The following ARHGAP29 variants were observed in gnomAD, a reference collection of about 807,000 sequenced individuals.
ARHGAP29 encodes the protein rho GTPase-activating protein 29.
Under a neutral mutation model 122.6 loss-of-function variants are expected in ARHGAP29, and 43 were observed. The observed-to-expected ratio is 0.35, with a 90% CI of 0.27 to 0.45. ARHGAP29 has a LOEUF of 0.45. Among genes scored for constraint, ARHGAP29 ranks in the 20% least tolerant of loss-of-function variants. The pLI is 1.00. For missense variants in ARHGAP29, 1,303 were observed against 1,477.2 expected (o/e 0.88, Z 1.93); for synonymous variants, 506 against 497.1 (o/e 1.02, Z -0.24).
chr1:94,206,396 T>C (rs1346412107), intron 5 of ARHGAP29, among the ~76,000 whole-genome samples: 2 of 152,156 alleles, frequency 1.3e-5, no homozygotes, highest in African/African-American at 4.8e-5. Flanking sequence ...TATACAGGGA[T>C]TCAATGCAAA....
intron 5 of ARHGAP29, among the ~76,000 whole-genome samples, chr1:94,208,395 TTAC>T (rs1377817576): frequency 6.6e-6 from 1 of 152,238 alleles, no homozygotes; most frequent in African/African-American, 2.4e-5. Context: ...ATTAAAAACA[TTAC>T]TACCATAAAC....
chr1:94,189,164 C>T (rs745690105), intron 14 of ARHGAP29, 52 bp downstream of exon 14: 14 of 1,547,220 alleles, frequency 9.0e-6, no homozygotes, highest in Admixed American at 2.1e-5. Flanking sequence ...CAATCACATT[C>T]GAACAACCTG....
At chr1:94,229,004 C>A (rs1652778347) in intron 2 of ARHGAP29, among the ~76,000 whole-genome samples, 1 of 151,736 alleles carries the variant, frequency 6.6e-6, no homozygotes, top group Non-Finnish European at 1.5e-5. Context: ...AGGTAATAAA[C>A]AATGCCAAAA....
intron 1 of ARHGAP29, among the ~76,000 whole-genome samples, chr1:94,252,938 T>C (rs1333395273): frequency 6.6e-6 from 1 of 152,144 alleles, no homozygotes; most frequent in African/African-American, 2.4e-5. Context: ...AGTTTCAGAA[T>C]CAAAGGGATC....
chr1:94,288,223 T>C, the ARHGAP29 span, among the ~76,000 whole-genome samples: 4 of 152,266 alleles, frequency 2.6e-5, no homozygotes, highest in Non-Finnish European at 4.4e-5. Flanking sequence ...ATTGTGGTTT[T>C]GATTTGCATT....
chr1:94,277,274 A>G (rs1190529629), upstream of ARHGAP29, among the ~76,000 whole-genome samples: 6 of 152,228 alleles, frequency 3.9e-5, no homozygotes, highest in Non-Finnish European at 8.8e-5. Context: ...GAAATTGGAA[A>G]GCAGGCCAAC....
rs1170736741 is a variant in ARHGAP29, at chr1:94,209,303, G to C, written c.388C>G (p.Gln130Glu). Residue 130 changes from glutamine (Q) to glutamate (E), a missense_variant, in exon 4 of 23, where the codon CAG becomes GAG. Transcript: ENST00000260526. Reference protein sequence around the residue: ...VNEENKNDLFQEVFSSIETLA... With the variant: ...VNEENKNDLFEEVFSSIETLA... ...GTTTCAATAGAAGAAAACACTTCCT[G>C]GAAGAGATCGTTTTTGTTTTCTTCA... 2 of 1,609,840 alleles carry C rather than the reference G, an allele frequency of 1.2e-6. No individual in the cohort carries two copies. The highest frequency in any genetic ancestry group is 2.2e-5 in the South Asian group (2 of 90,396).
the ARHGAP29 span, among the ~76,000 whole-genome samples, chr1:94,288,197 T>C: frequency 6.6e-6 from 1 of 152,258 alleles, no homozygotes. Context: ...TTCTAACTGG[T>C]GTGAGATAGT....
intron 1 of ARHGAP29, among the ~76,000 whole-genome samples, chr1:94,243,289 C>A (rs1268179634): frequency 6.6e-6 from 1 of 151,832 alleles, no homozygotes; most frequent in Non-Finnish European, 1.5e-5. Flanking sequence ...TAAGATAGGC[C>A]ATATATGGGA....
rs1648781087 is a variant in ARHGAP29 at position 94,172,268 on chromosome 1, A to G, written c.*1601T>C. On this transcript the variant is annotated 3_prime_UTR_variant, in exon 23 of 23. Coordinates refer to ENST00000260526, the MANE Select transcript of ARHGAP29 (RefSeq NM_004815.4). Reference sequence around the variant, plus strand: ...CTGTGAACTTGAAATAAAATAATCTATGTAGCACCTTGGCAAAGTTCCTGG... The same window carrying G: ...CTGTGAACTTGAAATAAAATAATCTGTGTAGCACCTTGGCAAAGTTCCTGG... 1 of 152,158 alleles carries G rather than the reference A, an allele frequency of 6.6e-6. No homozygotes were observed. Among genetic ancestry groups the G allele is most frequent in the Admixed American group, 6.5e-5 (1 of 15,270 alleles). 9.4% of individuals were successfully genotyped at this position (152,158 alleles called of 1,614,324 possible). A position where few individuals can be genotyped will look rare whatever the true frequency, so the allele number is the denominator to read the frequency against.
chr1:94,205,548 T>A, intron 6 of ARHGAP29, 87 bp downstream of exon 6: 1 of 1,250,460 alleles, frequency 8.0e-7, no homozygotes, highest in Non-Finnish European at 1.1e-6. Flanking sequence ...TACACTAGGT[T>A]ACTAAGCAAG....
upstream of ARHGAP29, among the ~76,000 whole-genome samples, chr1:94,240,781 T>G (rs141075079): frequency 6.6e-5 from 10 of 152,306 alleles, 1 homozygote; most frequent in Non-Finnish European, 1.2e-4. Context: ...ACTTTTATAT[T>G]CCCCAAATCT....
intron 5 of ARHGAP29, among the ~76,000 whole-genome samples, chr1:94,206,668 G>A (rs912458581): frequency 3.3e-5 from 5 of 151,948 alleles, no homozygotes; most frequent in African/African-American, 7.3e-5. Flanking sequence ...AGACTGAGGC[G>A]GACGGATCAC....
At chr1:94,283,061 G>C in the ARHGAP29 span, among the ~76,000 whole-genome samples, 1 of 152,172 alleles carries the variant, frequency 6.6e-6, no homozygotes, top group East Asian at 1.9e-4. Context: ...CAGACCAACA[G>C]TCAGCAACAT....
At chr1:94,266,380 T>G (rs932078902) in intron 1 of ARHGAP29, among the ~76,000 whole-genome samples, 5 of 152,146 alleles carry the variant, frequency 3.3e-5, no homozygotes, top group African/African-American at 1.2e-4. Flanking sequence ...AAATCAATAT[T>G]CTCTCACCTC....
the ARHGAP29 span, among the ~76,000 whole-genome samples, chr1:94,286,107 A>G: frequency 2.0e-5 from 3 of 152,138 alleles, no homozygotes; most frequent in Non-Finnish European, 4.4e-5. Context: ...GAAGTCTTAC[A>G]TTAGAGTGCC....
At chr1:94,293,439 G>C in the ARHGAP29 span, among the ~76,000 whole-genome samples, 3 of 152,180 alleles carry the variant, frequency 2.0e-5, no homozygotes, top group Admixed American at 2.0e-4. Flanking sequence ...GCACTTCCTG[G>C]GTGAGGTGAC....
At chr1:94,241,324 T>C (rs921368289), upstream of ARHGAP29, among the ~76,000 whole-genome samples, 22 of 152,244 alleles carry the variant, frequency 1.4e-4, no homozygotes, top group African/African-American at 5.3e-4. Context: ...TTAAAAGATA[T>C]ATCAAATGCA....
chr1:94,301,736 C>A, the ARHGAP29 span, among the ~76,000 whole-genome samples: 1 of 152,158 alleles, frequency 6.6e-6, no homozygotes, highest in East Asian at 1.9e-4. Context: ...CAACAGCCAT[C>A]CTGATCCAGG....
Sources: allele counts gnomAD v4.1 joint callset (sites outside exome capture counted in the v4.1 genomes callset), GRCh38; gene constraint gnomAD v4.1.1; transcripts MANE v1.5; gene names NCBI Gene and HGNC (gene_info 2026-07-23, HGNC 2026-07-21).